WWOX: variants seen among roughly 807,000 people sequenced by gnomAD.
The protein encoded by WWOX is WW domain containing oxidoreductase, also known as WW domain-containing oxidoreductase.
A neutral mutation model predicts 46.2 loss-of-function variants in WWOX; 69 were observed. The observed-to-expected ratio is 1.49, with a 90% CI of 1.23 to 1.82. WWOX has a LOEUF of 1.82. WWOX is among the 40% of genes most tolerant of loss of function. The pLI is 0.00. For synonymous variants in WWOX, 359 were observed against 202.6 expected (o/e 1.77, Z -6.56); for missense variants, 919 against 542.6 (o/e 1.69, Z -6.89).
In WWOX at chr16:78,668,876, C is replaced by A. The variant is rs113011441; in HGVS notation, c.1056+236124C>A. 6.8e-4 allele frequency among the ~76,000 whole-genome samples: 103 copies of A among 152,280 alleles called. No individual in the cohort carries two copies. The South Asian group carries it at 0.02, about 30-fold the overall frequency. Reference sequence around the variant, plus strand: ...CACGTGGTGTTCACTTGATAACTCCCTGGCAGGTTCTCTTCATCGGGCCTC... The same window carrying A: ...CACGTGGTGTTCACTTGATAACTCCATGGCAGGTTCTCTTCATCGGGCCTC... On this transcript the variant is annotated intron_variant, in intron 8 of 8. Coordinates refer to ENST00000566780, the MANE Select transcript of WWOX (RefSeq NM_016373.4).
chr16:79,099,164 A>G (rs756785670), intron 8 of WWOX, among the ~76,000 whole-genome samples: 31 of 152,186 alleles, frequency 2.0e-4, no homozygotes, highest in Admixed American at 5.2e-4. Flanking sequence ...CTCACTCACT[A>G]CCATGAGGAT....
At chr16:79,169,482 C>G (rs2050659170) in intron 8 of WWOX, among the ~76,000 whole-genome samples, 1 of 152,166 alleles carries the variant, frequency 6.6e-6, no homozygotes, top group Non-Finnish European at 1.5e-5. Flanking sequence ...AAAAGCTGGG[C>G]CTGTAAGCCT....
At chr16:78,364,524 G>A (rs2081488121) in intron 5 of WWOX, among the ~76,000 whole-genome samples, 1 of 150,994 alleles carries the variant, frequency 6.6e-6, no homozygotes, top group Non-Finnish European at 1.5e-5. Flanking sequence ...TTTTCTCCCT[G>A]CAACAAATAA....
At chr16:78,794,569 A>C (rs2050689751) in intron 8 of WWOX, among the ~76,000 whole-genome samples, 1 of 152,186 alleles carries the variant, frequency 6.6e-6, no homozygotes, top group Non-Finnish European at 1.5e-5. Flanking sequence ...AATAACCCTA[A>C]TACCTCTTAG....
chr16:78,223,403 A>G (rs1449270695), intron 5 of WWOX, among the ~76,000 whole-genome samples: 3 of 152,120 alleles, frequency 2.0e-5, no homozygotes. Flanking sequence ...ATGCCCTTTT[A>G]TGCTTTTCAA....
chr16:78,108,374 A>T, intron 1 of WWOX, 49 bp from the exon 2 acceptor site: 1 of 1,575,244 alleles, frequency 6.3e-7, no homozygotes, highest in Non-Finnish European at 8.7e-7. Context: ...ATTACTTTTT[A>T]GAAGAGTTAA....
intron 6 of WWOX, among the ~76,000 whole-genome samples, chr16:78,388,322 C>T (rs375951520): frequency 1.8e-3 from 271 of 152,264 alleles, no homozygotes; most frequent in African/African-American, 6.1e-3. Context: ...TGAACCACTG[C>T]GCCCAGCCGC....
intron 7 of WWOX, among the ~76,000 whole-genome samples, chr16:78,431,419 C>T (rs2083214400): frequency 6.6e-6 from 1 of 152,132 alleles, no homozygotes; most frequent in South Asian, 2.1e-4. Context: ...TCTATAATTT[C>T]TTGGATGCTC....
At chr16:78,445,738 T>C (rs5010833) in intron 8 of WWOX, among the ~76,000 whole-genome samples, 40,071 of 151,776 alleles carry the variant, frequency 0.26, 10,385 homozygotes, top group African/African-American at 0.68. Context: ...ATTATCTGGG[T>C]GTGGTGGAGC....
chr16:79,039,044 C>T (rs1465237066), intron 8 of WWOX, among the ~76,000 whole-genome samples: 1 of 151,826 alleles, frequency 6.6e-6, no homozygotes. Flanking sequence ...AGTGTTAAAC[C>T]TCTACGTTGG....
chr16:78,984,124 C>T (rs1032735366), intron 8 of WWOX, among the ~76,000 whole-genome samples: 9 of 152,030 alleles, frequency 5.9e-5, no homozygotes, highest in Admixed American at 6.5e-5. Context: ...GTGATCTGCC[C>T]GCCTTGGCCT....
At chr16:78,816,606 C>G (rs1321080161) in intron 8 of WWOX, among the ~76,000 whole-genome samples, 1 of 134,342 alleles carries the variant, frequency 7.4e-6, no homozygotes, top group African/African-American at 2.8e-5. Context: ...CTTTTGGGTA[C>G]TGAGTTGTAA....
intron 8 of WWOX, among the ~76,000 whole-genome samples, chr16:78,442,488 C>G (rs1179107062): frequency 6.6e-6 from 1 of 152,158 alleles, no homozygotes. Context: ...CTGCCCTCTA[C>G]TCTCTGCTTC....
chr16:78,980,864 T>G (rs1294129365), intron 8 of WWOX, among the ~76,000 whole-genome samples: 2 of 152,166 alleles, frequency 1.3e-5, no homozygotes, highest in African/African-American at 4.8e-5. Flanking sequence ...TCTGTAATCC[T>G]GTAGGACTGG....
intron 5 of WWOX, among the ~76,000 whole-genome samples, chr16:78,173,689 G>A (rs539424904): frequency 9.2e-5 from 14 of 152,244 alleles, no homozygotes; most frequent in African/African-American, 2.6e-4. Flanking sequence ...GTAAATGGTC[G>A]TTGCAGGGAA....
At chr16:78,803,469 C>T (rs1466252992) in intron 8 of WWOX, among the ~76,000 whole-genome samples, 2 of 152,042 alleles carry the variant, frequency 1.3e-5, no homozygotes, top group Admixed American at 1.3e-4. Context: ...TTTTTTGAGA[C>T]AGGGTCTCGC....
intron 5 of WWOX, among the ~76,000 whole-genome samples, chr16:78,275,744 C>G (rs189554677): frequency 1.4e-4 from 21 of 152,290 alleles, no homozygotes; most frequent in Non-Finnish European, 2.9e-4. Context: ...TTTAAATCTT[C>G]CTTTTGGTAT....
intron 8 of WWOX, among the ~76,000 whole-genome samples, chr16:79,097,647 T>A (rs1490377282): frequency 6.6e-6 from 1 of 152,120 alleles, no homozygotes. Flanking sequence ...CAAAGGGGGT[T>A]AGGTTTGTGT....
intron 8 of WWOX, among the ~76,000 whole-genome samples, chr16:79,029,980 G>T (rs376992691): frequency 1.4e-4 from 22 of 152,272 alleles, no homozygotes; most frequent in African/African-American, 2.9e-4. Context: ...CTGGTGGTAG[G>T]TAAGCCAACC....
Sources: allele counts gnomAD v4.1 joint callset (sites outside exome capture counted in the v4.1 genomes callset), GRCh38; gene constraint gnomAD v4.1.1; transcripts MANE v1.5; gene names NCBI Gene and HGNC (gene_info 2026-07-23, HGNC 2026-07-21).